The following PHTF2 variants were observed in gnomAD, a reference collection of about 807,000 sequenced individuals.
PHTF2 encodes putative homeodomain transcription factor 2.
A neutral mutation model predicts 101.2 loss-of-function variants in PHTF2; 60 were observed. The ratio of observed to expected loss-of-function variants is 0.59; its 90% confidence interval spans 0.48 to 0.73. The LOEUF is 0.73. PHTF2 is among the 30% of genes least tolerant of loss of function. PHTF2 has a pLI of 0.00. For missense variants in PHTF2, 747 were observed against 908.7 expected, an observed-to-expected ratio of 0.82 and a Z score of 2.29; for synonymous variants, 311 against 307.3, an observed-to-expected ratio of 1.01 and a Z score of -0.13.
At chr7:77,949,900 T>C (rs1806390423) in intron 17 of PHTF2, 67 bp downstream of exon 16, 7 of 886,628 alleles carry the variant, frequency 7.9e-6, no homozygotes, top group Non-Finnish European at 1.2e-5. Context: ...ATTTCCTTTA[T>C]GTTTTTCAAG....
chr7:77,931,152 G>A (rs1452539573), intron 12 of PHTF2, among the ~76,000 whole-genome samples: 2 of 152,104 alleles, frequency 1.3e-5, no homozygotes, highest in Non-Finnish European at 2.9e-5. Context: ...GGTGAAAAGC[G>A]AAACTTTAAA....
chr7:77,808,676 A>T (rs1793178241), intron 1 of PHTF2, among the ~76,000 whole-genome samples: 1 of 152,114 alleles, frequency 6.6e-6, no homozygotes, highest in South Asian at 2.1e-4. Context: ...TCCTCTTTGG[A>T]TACTTTGCTC....
chr7:77,847,665 G>A (rs1796410463), intron 2 of PHTF2, among the ~76,000 whole-genome samples: 1 of 152,156 alleles, frequency 6.6e-6, no homozygotes, highest in South Asian at 2.1e-4. Flanking sequence ...ACTGTAAATG[G>A]AGTATCCATC....
chr7:77,922,526 G>A, intron 10 of PHTF2, 97 bp from the exon 10 acceptor site: 1 of 802,320 alleles, frequency 1.2e-6, no homozygotes. Context: ...TTGAAGTTGT[G>A]TGTATATATG....
intron 16 of PHTF2, among the ~76,000 whole-genome samples, chr7:77,948,749 A>G (rs1806294148): frequency 1.3e-5 from 2 of 152,224 alleles, no homozygotes; most frequent in Admixed American, 6.5e-5. Flanking sequence ...CGTCACGCCC[A>G]TTAGATTAGC....
intron 3 of PHTF2, among the ~76,000 whole-genome samples, chr7:77,881,887 T>C (rs1000946698): frequency 5.3e-5 from 8 of 152,242 alleles, no homozygotes; most frequent in African/African-American, 1.4e-4. Flanking sequence ...GATTCTGCTT[T>C]GAATTATGAC....
intron 3 of PHTF2, among the ~76,000 whole-genome samples, chr7:77,892,957 A>T (rs1013411770): frequency 2.0e-5 from 3 of 152,236 alleles, no homozygotes; most frequent in Non-Finnish European, 4.4e-5. Context: ...CTTCTTTAAA[A>T]ATAATGCCAT....
At chr7:77,813,625 T>C (rs1381886579) in intron 1 of PHTF2, among the ~76,000 whole-genome samples, 1 of 152,230 alleles carries the variant, frequency 6.6e-6, no homozygotes, top group East Asian at 1.9e-4. Context: ...GTGTGTTATA[T>C]TGCTGAAAAT....
chr7:77,947,947 T>C (rs1172954444), intron 16 of PHTF2, among the ~76,000 whole-genome samples: 1 of 145,798 alleles, frequency 6.9e-6, no homozygotes, highest in Non-Finnish European at 1.5e-5. Context: ...CAAGCAATTC[T>C]CCTGCCTCAG....
chr7:77,806,995 A>C (rs555593898), intron 1 of PHTF2, among the ~76,000 whole-genome samples: 8 of 152,324 alleles, frequency 5.3e-5, no homozygotes, highest in African/African-American at 1.9e-4. Flanking sequence ...GGCTTTAGTC[A>C]GTTCTCTTTT....
intron 1 of PHTF2, among the ~76,000 whole-genome samples, chr7:77,823,754 A>T (rs1171475287): frequency 6.6e-6 from 1 of 152,166 alleles, no homozygotes; most frequent in Non-Finnish European, 1.5e-5. Context: ...GAATGTATGG[A>T]TGGGAGGTTG....
chr7:77,906,282 G>A (rs756426330), intron 7 of PHTF2: 1 of 152,162 alleles, frequency 6.6e-6, no homozygotes, highest in African/African-American at 2.4e-5. Context: ...TACCACGCCC[G>A]GCTCTCCATA....
At chr7:77,842,195 T>C (rs1795938223) in intron 2 of PHTF2, among the ~76,000 whole-genome samples, 1 of 152,120 alleles carries the variant, frequency 6.6e-6, no homozygotes, top group South Asian at 2.1e-4. Context: ...TCACATATTC[T>C]ATTATATATA....
chr7:77,888,021 T>G (rs1346945453), intron 3 of PHTF2, among the ~76,000 whole-genome samples: 1 of 152,262 alleles, frequency 6.6e-6, no homozygotes, highest in African/African-American at 2.4e-5. Context: ...TGGTTGGATA[T>G]CTATACCATT....
Position 77,933,296 on chromosome 7 carries a change from G to A in PHTF2, c.1338+3969G>A, listed in dbSNP as rs557711279. 9.7e-4 allele frequency among the ~76,000 whole-genome samples: 148 copies of A among 152,264 alleles called. 2 individuals carry two copies. Among genetic ancestry groups the A allele is most frequent in the South Asian group, 7.1e-3 (34 of 4,820 alleles). ...TAGTTGCTCTTCAAGGGACAGGAGA[G>A]GGGATGATTGAAATGGTGGATCTGG... On this transcript the variant is annotated intron_variant, in intron 12 of 19. Coordinates refer to ENST00000416283, the Ensembl canonical transcript of PHTF2.
At chr7:77,888,761 T>G (rs902714695) in intron 3 of PHTF2, among the ~76,000 whole-genome samples, 3 of 152,104 alleles carry the variant, frequency 2.0e-5, no homozygotes, top group Non-Finnish European at 2.9e-5. Flanking sequence ...TAATTTTATG[T>G]AGAAGAAATT....
intron 1 of PHTF2, among the ~76,000 whole-genome samples, chr7:77,816,602 A>G (rs1469559567): frequency 2.0e-5 from 3 of 152,192 alleles, no homozygotes; most frequent in Non-Finnish European, 4.4e-5. Context: ...TCTTGTAGCT[A>G]TTTGCAACTA....
At chr7:77,816,754 T>C (rs914940200) in intron 1 of PHTF2, among the ~76,000 whole-genome samples, 3 of 152,222 alleles carry the variant, frequency 2.0e-5, no homozygotes, top group African/African-American at 7.2e-5. Flanking sequence ...TCTGGTATCC[T>C]CCATTCTACT....
At chr7:77,949,644 T>C in intron 16 of PHTF2, 34 bp from the exon 16 acceptor site, 1 of 1,288,040 alleles carries the variant, frequency 7.8e-7, no homozygotes, top group South Asian at 1.4e-5. Flanking sequence ...TTGAATCACA[T>C]TGCTGCTTTA....
Sources: gnomAD v4.1 joint callset for allele counts (sites outside exome capture counted in the v4.1 genomes callset) on GRCh38, gnomAD v4.1.1 for gene constraint, MANE v1.5 for transcripts, NCBI Gene and HGNC (gene_info 2026-07-23, HGNC 2026-07-21) for gene names.